SS18: variants seen among roughly 807,000 people sequenced by gnomAD.
SS18 encodes the protein SS18 subunit of BAF chromatin remodeling complex.
Under a neutral mutation model 72.5 loss-of-function variants are expected in SS18, and 28 were observed. The observed-to-expected ratio is 0.39, with a 90% CI of 0.29 to 0.53. The LOEUF is 0.53. SS18 is among the 20% of genes least tolerant of loss of function. The pLI is 0.76. For synonymous variants in SS18, 172 were observed against 164.2 expected (o/e 1.05, Z -0.37); for missense variants, 518 against 535.3 (o/e 0.97, Z 0.32).
intron 3 of SS18, among the ~76,000 whole-genome samples, chr18:26,061,249 G>C (rs963855671): frequency 1.3e-5 from 2 of 152,138 alleles, no homozygotes; most frequent in African/African-American, 4.8e-5. Context: ...GGAGGCGAAG[G>C]CTGCAGTGAG....
At chr18:26,080,484 C>G (rs12959408) in intron 2 of SS18, 20,883 of 470,462 alleles carry the variant, frequency 0.044, 520 homozygotes, top group East Asian at 0.13. Context: ...TGTGAAACTA[C>G]TATTACATCT....
intron 5 of SS18, 61 bp from the exon 6 acceptor site, chr18:26,039,517 G>A: frequency 4.2e-6 from 6 of 1,431,926 alleles, no homozygotes; most frequent in South Asian, 1.6e-5. Context: ...CATCTCAAGA[G>A]AAATAAGATA....
intron 3 of SS18, among the ~76,000 whole-genome samples, chr18:26,065,092 G>T (rs2054188943): frequency 6.6e-6 from 1 of 152,080 alleles, no homozygotes; most frequent in Non-Finnish European, 1.5e-5. Context: ...CAAAATGGAA[G>T]GATATGCCAT....
At chr18:26,041,437 A>G (rs932934631) in intron 5 of SS18, among the ~76,000 whole-genome samples, 1 of 152,230 alleles carries the variant, frequency 6.6e-6, no homozygotes, top group Non-Finnish European at 1.5e-5. Context: ...AAACCAAAAC[A>G]AAACAAAACA....
Position 26,058,811 on chromosome 18 carries a change from T to C in SS18, c.232-1069A>G, listed in dbSNP as rs141916149. On this transcript the variant is annotated intron_variant, in intron 3 of 10. Transcript: ENST00000415083. ...AACTAAATCCAGATGAATGCTCTTATTTTCTCTTAAATTCTCATATTATTT... is the reference window on the plus strand; with the variant it reads ...AACTAAATCCAGATGAATGCTCTTACTTTCTCTTAAATTCTCATATTATTT... Among the ~76,000 whole-genome samples, 609 of 152,326 alleles carry C rather than the reference T, an allele frequency of 4.0e-3. 1 individual carries two copies. Among genetic ancestry groups the C allele is most frequent in the African/African-American group, 0.011 (451 of 41,588 alleles).
chr18:26,035,761 T>C lies in SS18; in HGVS notation c.973+70A>G. The stretch of plus-strand genomic sequence containing the variant: ...AAGAGCTTTGCATGGGTAGAAGTTG[T>C]CTTATGCAAGAATTTTCATTCCTGT... On this transcript the variant is annotated intron_variant, in intron 8 of 10. Transcript: ENST00000415083. This position sits in a 1 kb window ranked among gnomAD's most constrained non-coding sequence, Gnocchi z 4.4. 9.0e-7 allele frequency: 1 copy of C among 1,106,632 alleles called. No homozygotes were observed. Among genetic ancestry groups the C allele is most frequent in the South Asian group, 1.7e-5 (1 of 57,316 alleles). The allele number at this position is 1,106,632 out of a possible 1,614,324, so 68.6% of individuals were successfully genotyped here. A position where few individuals can be genotyped will look rare whatever the true frequency, so the allele number is the denominator to read the frequency against.
Position 26,018,396 on chromosome 18 carries a change from A to T in SS18, c.1231-16T>A. 1 of 1,523,352 alleles carries T rather than the reference A, an allele frequency of 6.6e-7. No individual in the cohort carries two copies. Among genetic ancestry groups the T allele is most frequent in the East Asian group, 2.4e-5 (1 of 42,416 alleles). 94.4% of individuals were successfully genotyped at this position (1,523,352 alleles called of 1,614,324 possible). On this transcript the variant is annotated splice_polypyrimidine_tract_variant and intron_variant, in intron 10 of 10. Coordinates refer to ENST00000415083, the MANE Select transcript of SS18 (RefSeq NM_001007559.3). ...CATACTGTCCCTAAAAGATAAATTT[A>T]AAAATATAATTAGATAATAGTTTGA...
chr18:26,037,099 G>A (rs1011237152), intron 7 of SS18, among the ~76,000 whole-genome samples: 2 of 151,818 alleles, frequency 1.3e-5, no homozygotes, highest in African/African-American at 2.4e-5. Context: ...ATTAATTGTC[G>A]ACATAAATAG....
At chr18:26,029,233 G>C (rs923589061) in intron 10 of SS18, among the ~76,000 whole-genome samples, 2 of 152,208 alleles carry the variant, frequency 1.3e-5, no homozygotes, top group African/African-American at 4.8e-5. Context: ...GGCACAAGGA[G>C]GGTAGCATAG....
At chr18:26,071,235 A>T (rs2054305177) in intron 3 of SS18, among the ~76,000 whole-genome samples, 2 of 152,200 alleles carry the variant, frequency 1.3e-5, no homozygotes, top group South Asian at 2.1e-4. Flanking sequence ...GATGTCAGAA[A>T]TCCCAACAGG....
intron 3 of SS18, among the ~76,000 whole-genome samples, chr18:26,077,195 C>T (rs2054431231): frequency 6.6e-6 from 1 of 151,922 alleles, no homozygotes; most frequent in Non-Finnish European, 1.5e-5. Context: ...ATCAAGTATA[C>T]CCATTGATCA....
At position 26,052,717 on chromosome 18, in the gene SS18, T is replaced by C. The variant is rs1350119677; in HGVS notation, c.514A>G (p.Ser172Gly). Reference protein sequence around the residue: ...GYNHSVPSSQSMPVQNQMTMS... With the variant: ...GYNHSVPSSQGMPVQNQMTMS... Reference sequence around the variant, plus strand: ...GTCATCTGATTCTGTACTGGCATGCTCTGTGATGATGGCACAGAATGGTTG... The same window carrying C: ...GTCATCTGATTCTGTACTGGCATGCCCTGTGATGATGGCACAGAATGGTTG... Residue 172 changes from serine (S) to glycine (G), a missense_variant, in exon 5 of 11, where the codon AGC (serine) becomes GGC (glycine). Physicochemically the swap from Ser to Gly is moderately conservative, Grantham distance 56 (BLOSUM62 0). Coordinates refer to ENST00000415083, the MANE Select transcript of SS18 (RefSeq NM_001007559.3). 8 of 1,614,066 alleles carry C rather than the reference T, an allele frequency of 5.0e-6. No individual in the cohort carries two copies. The highest frequency in any genetic ancestry group is 4.2e-6 in the Non-Finnish European group (5 of 1,179,996).
intron 3 of SS18, chr18:26,068,705 G>C (rs2054261658): frequency 2.0e-5 from 3 of 152,034 alleles, no homozygotes; most frequent in Admixed American, 2.0e-4. Flanking sequence ...TGCTACCCAA[G>C]GGCTCTGCTC....
In SS18 at chr18:26,039,067, G is replaced by A. The variant is rs139056558; in HGVS notation, c.775+222C>T. 1.4e-3 allele frequency among the ~76,000 whole-genome samples: 210 copies of A among 145,758 alleles called. 1 individual carries two copies. Among genetic ancestry groups the A allele is most frequent in the African/African-American group, 4.6e-3 (182 of 39,500 alleles). The stretch of plus-strand genomic sequence containing the variant: ...TTCTGCTGTGAATTAGTGAGCTTTC[G>A]ATATAAAATTGTATGGTATAACTTA... On this transcript the variant is annotated intron_variant, in intron 6 of 10. Transcript: ENST00000415083.
At chr18:26,085,377 T>C (rs2054598897) in intron 2 of SS18, among the ~76,000 whole-genome samples, 1 of 152,238 alleles carries the variant, frequency 6.6e-6, no homozygotes, top group South Asian at 2.1e-4. Context: ...AGCAACTGGA[T>C]ATGCAAAAAT....
chr18:26,074,937 G>A (rs1030430574), intron 3 of SS18, among the ~76,000 whole-genome samples: 2 of 151,768 alleles, frequency 1.3e-5, no homozygotes, highest in African/African-American at 4.8e-5. Context: ...TTGACATTAG[G>A]AAAATAAGAT....
intron 4 of SS18, among the ~76,000 whole-genome samples, chr18:26,054,968 A>G (rs2053990695): frequency 6.6e-6 from 1 of 151,856 alleles, no homozygotes; most frequent in African/African-American, 2.4e-5. Flanking sequence ...TGAACTCCTG[A>G]CCTCAACTGA....
intron 3 of SS18, among the ~76,000 whole-genome samples, chr18:26,058,561 T>A (rs1372989902): frequency 6.6e-6 from 1 of 152,244 alleles, no homozygotes; most frequent in Non-Finnish European, 1.5e-5. Flanking sequence ...TCCTGTATTA[T>A]CAGTTGTTCT....
intron 10 of SS18, among the ~76,000 whole-genome samples, chr18:26,024,741 C>A (rs897443400): frequency 1.3e-5 from 2 of 151,500 alleles, no homozygotes; most frequent in Non-Finnish European, 2.9e-5. Flanking sequence ...CAAAGGAAGG[C>A]AGAAAAAGAG....
Sources: gnomAD v4.1 joint callset for allele counts (sites outside exome capture counted in the v4.1 genomes callset) on GRCh38, gnomAD v4.1.1 for gene constraint, Gnocchi (gnomAD v3.1) non-coding constraint, MANE v1.5 for transcripts, NCBI Gene and HGNC (gene_info 2026-07-23, HGNC 2026-07-21) for gene names.